RNF11: variants seen among roughly 807,000 people sequenced by gnomAD.
RNF11 encodes the protein ring finger protein 11.
A neutral mutation model predicts 15.8 loss-of-function variants in RNF11; 4 were observed. The observed-to-expected ratio is 0.25, with a 90% CI of 0.12 to 0.58. RNF11 has a LOEUF of 0.58. Among genes scored for constraint, RNF11 ranks in the 20% least tolerant of loss-of-function variants. The pLI is 0.91. For synonymous variants in RNF11, 68 were observed against 72.3 expected, an observed-to-expected ratio of 0.94 and a Z score of 0.30; for missense variants, 139 against 194.4, an observed-to-expected ratio of 0.71 and a Z score of 1.70.
At chr1:51,271,056 C>A in intron 2 of RNF11, 95 bp from the exon 3 acceptor site, 1 of 1,016,936 alleles carries the variant, frequency 9.8e-7, no homozygotes, top group Non-Finnish European at 1.5e-6. Context: ...TGATGTGTTA[C>A]TCAGATTAAC....
chr1:51,265,550 T>G (rs905388172), intron 1 of RNF11, among the ~76,000 whole-genome samples: 4 of 152,242 alleles, frequency 2.6e-5, no homozygotes, highest in Admixed American at 2.6e-4. Flanking sequence ...AAAGAAAGTA[T>G]TAAGGAAAAG....
Position 51,272,243 on chromosome 1 carries a change from T to C in RNF11, c.*921T>C, listed in dbSNP as rs1220098103. On this transcript the variant is annotated 3_prime_UTR_variant, in exon 3 of 3. Coordinates refer to ENST00000242719, the MANE Select transcript of RNF11 (RefSeq NM_014372.5). Reference sequence around the variant, plus strand: ...CACCGTGGTGAGACCTAATGAGAAATAGTTACTCAGTTGTAAAAATTTTGA... The same window carrying C: ...CACCGTGGTGAGACCTAATGAGAAACAGTTACTCAGTTGTAAAAATTTTGA... The C allele has an allele frequency of 1.3e-5, 2 of 152,514 alleles. No individual in the cohort carries two copies. Among genetic ancestry groups the C allele is most frequent in the African/African-American group, 2.4e-5 (1 of 41,390 alleles). 9.4% of individuals were successfully genotyped at this position (152,514 alleles called of 1,614,324 possible). A position where few individuals can be genotyped will look rare whatever the true frequency, so the allele number is the denominator to read the frequency against.
Position 51,248,456 on chromosome 1 carries a change from C to T in RNF11, c.123+11577C>T, listed in dbSNP as rs188034473. 3.5e-3 allele frequency among the ~76,000 whole-genome samples: 527 copies of T among 152,124 alleles called. 1 individual carries two copies. Among genetic ancestry groups the T allele is most frequent in the African/African-American group, 0.012 (495 of 41,532 alleles). On this transcript the variant is annotated intron_variant, in intron 1 of 2. Transcript: ENST00000242719. Reference sequence around the variant, plus strand: ...ACCTCAGGTGATCCGCTCGCCTCGGCCTCACAAAGTGCTGGGATTACTGGC... The same window carrying T: ...ACCTCAGGTGATCCGCTCGCCTCGGTCTCACAAAGTGCTGGGATTACTGGC...
chr1:51,259,406 A>G (rs991803354), intron 1 of RNF11, among the ~76,000 whole-genome samples: 2 of 152,252 alleles, frequency 1.3e-5, no homozygotes, highest in Non-Finnish European at 2.9e-5. Flanking sequence ...GGTTGCAAAG[A>G]TAAATGAATT....
At chr1:51,247,758 C>T (rs896318759) in intron 1 of RNF11, among the ~76,000 whole-genome samples, 4 of 152,108 alleles carry the variant, frequency 2.6e-5, no homozygotes, top group African/African-American at 9.7e-5. Flanking sequence ...AAATTGCCAG[C>T]CTAGAGTGTA....
At chr1:51,255,382 C>G (rs559709943) in intron 1 of RNF11, among the ~76,000 whole-genome samples, 153 of 152,324 alleles carry the variant, frequency 1.0e-3, no homozygotes, top group African/African-American at 3.2e-3. Flanking sequence ...GCCTCAGCCT[C>G]CTGAGTAGCT....
At chr1:51,241,732 T>C (rs886457580) in intron 1 of RNF11, among the ~76,000 whole-genome samples, 2 of 152,060 alleles carry the variant, frequency 1.3e-5, no homozygotes, top group Non-Finnish European at 2.9e-5. Context: ...TTAAAAATAA[T>C]ACAGAGGAAA....
At chr1:51,251,342 TCGGCCC>T (rs893978909) in intron 1 of RNF11, 7 of 1,516,034 alleles carry the variant, frequency 4.6e-6, no homozygotes, top group South Asian at 2.3e-5. Context: ...CTCCGCGGCC[TCGGCCC>T]CGGCCCCGTC....
intron 1 of RNF11, among the ~76,000 whole-genome samples, chr1:51,249,571 C>T (rs989935031): frequency 6.6e-6 from 1 of 152,166 alleles, no homozygotes. Context: ...TTTGTGTGGT[C>T]ATGAATTTCA....
At chr1:51,262,191 A>G (rs1646933449) in intron 1 of RNF11, among the ~76,000 whole-genome samples, 1 of 152,216 alleles carries the variant, frequency 6.6e-6, no homozygotes, top group South Asian at 2.1e-4. Flanking sequence ...CATGTTGCCC[A>G]GGCTGGGATT....
intron 1 of RNF11, among the ~76,000 whole-genome samples, chr1:51,262,931 A>G (rs564219320): frequency 6.6e-6 from 1 of 152,134 alleles, no homozygotes; most frequent in Non-Finnish European, 1.5e-5. Flanking sequence ...TCACAATGAG[A>G]TATCACATCT....
rs1477260130 is a variant in RNF11 at position 51,236,588 on chromosome 1, G to T, written c.-169G>T. The T allele has an allele frequency of 1.5e-6, 1 of 671,192 alleles. No individual in the cohort carries two copies. Among genetic ancestry groups the T allele is most frequent in the Non-Finnish European group, 2.3e-6 (1 of 440,878 alleles). The allele number at this position is 671,192 out of a possible 1,614,324, so 41.6% of individuals were successfully genotyped here. A position where few individuals can be genotyped will look rare whatever the true frequency, so the allele number is the denominator to read the frequency against. On this transcript the variant is annotated 5_prime_UTR_variant, in exon 1 of 3. Transcript: ENST00000242719. The stretch of plus-strand genomic sequence containing the variant: ...CAGCCTTGATCCCCCAACCCCGGGG[G>T]CTGGCATGAGCGGCCCCTCGGCGGC...
intron 1 of RNF11, among the ~76,000 whole-genome samples, chr1:51,248,096 C>CTTTTT (rs1157196813): frequency 3.8e-4 from 35 of 91,670 alleles, no homozygotes; most frequent in East Asian, 1.4e-3. Context: ...CTAGTTTCTT[C>CTTTTT]TTTTTTTTTT....
chr1:51,236,696 T>G lies in RNF11; in HGVS notation c.-61T>G. On this transcript the variant is annotated 5_prime_UTR_variant, in exon 1 of 3. Transcript: ENST00000242719. ...TCGCCAACCGAGGCGGACCGCGGAG[T>G]GTGCGAACGACCCCACCGCTGCTTT... 1 of 1,592,284 alleles carries G rather than the reference T, an allele frequency of 6.3e-7. No homozygotes were observed. Among genetic ancestry groups the G allele is most frequent in the Non-Finnish European group, 8.6e-7 (1 of 1,169,184 alleles).
At chr1:51,256,153 A>G (rs926733154) in intron 1 of RNF11, among the ~76,000 whole-genome samples, 1 of 152,200 alleles carries the variant, frequency 6.6e-6, no homozygotes, top group East Asian at 1.9e-4. Context: ...ATGTATAATG[A>G]CATGCATCCA....
At chr1:51,241,463 TC>T (rs1646829243) in intron 1 of RNF11, among the ~76,000 whole-genome samples, 1 of 152,262 alleles carries the variant, frequency 6.6e-6, no homozygotes, top group African/African-American at 2.4e-5. Flanking sequence ...TTTTAAGGAA[TC>T]CTAAAAAGTC....
At chr1:51,263,197 T>C (rs1646938666) in intron 1 of RNF11, among the ~76,000 whole-genome samples, 1 of 152,170 alleles carries the variant, frequency 6.6e-6, no homozygotes, top group South Asian at 2.1e-4. Flanking sequence ...AATGAAAACA[T>C]GTACAAAAAC....
chr1:51,248,928 A>G (rs950390620), intron 1 of RNF11, among the ~76,000 whole-genome samples: 9 of 152,192 alleles, frequency 5.9e-5, no homozygotes, highest in Non-Finnish European at 1.0e-4. Flanking sequence ...TACAAGAGCT[A>G]ATACAAATTA....
In RNF11 at chr1:51,250,881, CT is replaced by C. The variant is rs1392554847; in HGVS notation, c.123+14003del. 9 of 1,058,830 alleles carry C rather than the reference CT, an allele frequency of 8.5e-6. No homozygotes were observed. The African/African-American group carries it at 1.2e-4, about 15-fold the overall frequency. The allele number at this position is 1,058,830 out of a possible 1,614,324, so 65.6% of individuals were successfully genotyped here. ...AGGTGCGGAGACAATGCCAGTGCCC[CT>C]GGGTACAGGGATGAGGTGCACCAGT... On this transcript the variant is annotated intron_variant, in intron 1 of 2. Coordinates refer to ENST00000242719, the MANE Select transcript of RNF11 (RefSeq NM_014372.5).
Sources: allele counts gnomAD v4.1 joint callset (sites outside exome capture counted in the v4.1 genomes callset), GRCh38; gene constraint gnomAD v4.1.1; transcripts MANE v1.5; gene names NCBI Gene and HGNC (gene_info 2026-07-23, HGNC 2026-07-21).